MAST4: variants seen among roughly 807,000 people sequenced by gnomAD.
The protein encoded by MAST4 is microtubule associated serine/threonine kinase family member 4, also known as microtubule-associated serine/threonine-protein kinase 4.
In MAST4, 89 loss-of-function variants were observed where a neutral mutation model predicts 162.7. The observed-to-expected ratio is 0.55, with a 90% CI of 0.46 to 0.65. The LOEUF is 0.65. MAST4 is among the 30% of genes least tolerant of loss of function. The pLI, the probability that MAST4 is intolerant of heterozygous loss-of-function variation, is 0.00. For synonymous variants in MAST4, 1,479 were observed against 1,361.1 expected (o/e 1.09, Z -1.91); for missense variants, 3,153 against 3,374.0 (o/e 0.93, Z 1.62).
At chr5:67,045,372 A>G (rs911625623) in intron 4 of MAST4, among the ~76,000 whole-genome samples, 2 of 152,228 alleles carry the variant, frequency 1.3e-5, no homozygotes, top group African/African-American at 4.8e-5. Context: ...ACACGTGCTA[A>G]TACTATGACA....
chr5:66,956,357 A>AGT (rs201751531), intron 4 of MAST4, among the ~76,000 whole-genome samples: 1,931 of 152,212 alleles, frequency 0.013, 40 homozygotes, highest in African/African-American at 0.044. Context: ...TGTTGTCTTG[A>AGT]GAAGTTCACA....
chr5:67,168,705 A>G lies in MAST4; in HGVS notation c.*1654A>G, dbSNP rs1774310606. The G allele has an allele frequency of 6.6e-6, 1 of 152,012 alleles. No homozygotes were observed. The allele number at this position is 152,012 out of a possible 1,614,324, so 9.4% of individuals were successfully genotyped here. A position where few individuals can be genotyped will look rare whatever the true frequency, so the allele number is the denominator to read the frequency against. On this transcript the variant is annotated 3_prime_UTR_variant, in exon 29 of 29. Transcript: ENST00000403625. ...AATAAATAACTGATCTAGCACCCAA[A>G]CTCTCTTGGGGGATGTCTTAGTATC...
intron 1 of MAST4, among the ~76,000 whole-genome samples, chr5:66,695,803 G>A (rs1292082221): frequency 5.9e-5 from 9 of 152,062 alleles, no homozygotes; most frequent in African/African-American, 1.7e-4. Context: ...GCAATTCTTC[G>A]AAGACCTAGA....
intron 1 of MAST4, among the ~76,000 whole-genome samples, chr5:66,612,359 A>G (rs4128347): frequency 0.33 from 50,558 of 151,980 alleles, 9,361 homozygotes; most frequent in African/African-American, 0.49. Flanking sequence ...GAGTGCTGGT[A>G]AAGACTCCAT....
At chr5:66,936,167 G>A (rs1427573206) in intron 4 of MAST4, among the ~76,000 whole-genome samples, 1 of 152,226 alleles carries the variant, frequency 6.6e-6, no homozygotes, top group Non-Finnish European at 1.5e-5. Flanking sequence ...ACGAGAAAGT[G>A]TGAATTTGCG....
At chr5:67,033,219 CTT>C (rs1755569637) in intron 4 of MAST4, among the ~76,000 whole-genome samples, 1 of 150,844 alleles carries the variant, frequency 6.6e-6, no homozygotes, top group Non-Finnish European at 1.5e-5. Context: ...CTTGATAACA[CTT>C]TTTAAAAAGT....
At chr5:66,712,397 G>T (rs1405124492) in intron 1 of MAST4, among the ~76,000 whole-genome samples, 3 of 152,140 alleles carry the variant, frequency 2.0e-5, no homozygotes, top group Non-Finnish European at 4.4e-5. Context: ...CCCATTGTTA[G>T]CCCCCATTTT....
chr5:66,968,203 C>A (rs912879444), intron 4 of MAST4, among the ~76,000 whole-genome samples: 1 of 152,198 alleles, frequency 6.6e-6, no homozygotes. Context: ...TGCTTCATCC[C>A]CCAACATCTT....
intron 4 of MAST4, among the ~76,000 whole-genome samples, chr5:66,905,369 C>CCAG (rs1340562915): frequency 2.0e-5 from 3 of 151,352 alleles, no homozygotes; most frequent in African/African-American, 7.3e-5. Flanking sequence ...GAAGCAGCTC[C>CCAG]CAGTATGTAT....
chr5:66,794,123 A>T (rs1251583378), intron 3 of MAST4, among the ~76,000 whole-genome samples: 1 of 152,194 alleles, frequency 6.6e-6, no homozygotes, highest in Non-Finnish European at 1.5e-5. Context: ...TTTTGCTTAC[A>T]TTATGTAGCC....
At chr5:67,014,322 A>G (rs1353393753) in intron 4 of MAST4, among the ~76,000 whole-genome samples, 1 of 152,242 alleles carries the variant, frequency 6.6e-6, no homozygotes, top group Non-Finnish European at 1.5e-5. Context: ...GCATTTCCAT[A>G]GTAGGTCCCT....
intron 1 of MAST4, among the ~76,000 whole-genome samples, chr5:66,652,575 C>G (rs193262390): frequency 8.5e-5 from 13 of 152,272 alleles, no homozygotes; most frequent in Admixed American, 6.5e-4. Flanking sequence ...AACAATTTAT[C>G]TATCTACCTA....
At chr5:66,607,495 G>A (rs564323385) in intron 1 of MAST4, among the ~76,000 whole-genome samples, 1 of 152,188 alleles carries the variant, frequency 6.6e-6, no homozygotes, top group Non-Finnish European at 1.5e-5. Context: ...AGCAGTTAAG[G>A]CATTTTTGGC....
At chr5:67,036,985 G>C (rs1756097154) in intron 4 of MAST4, among the ~76,000 whole-genome samples, 1 of 152,046 alleles carries the variant, frequency 6.6e-6, no homozygotes, top group African/African-American at 2.4e-5. Context: ...CCCAGAAAAA[G>C]GCCAAAAAGA....
intron 4 of MAST4, among the ~76,000 whole-genome samples, chr5:67,028,850 C>T (rs924780103): frequency 2.6e-5 from 4 of 152,036 alleles, no homozygotes; most frequent in South Asian, 2.1e-4. Context: ...CATCCACCGC[C>T]GGGCATGGTG....
intron 3 of MAST4, among the ~76,000 whole-genome samples, chr5:66,878,310 A>T (rs1761442762): frequency 6.6e-6 from 1 of 152,248 alleles, no homozygotes; most frequent in Non-Finnish European, 1.5e-5. Context: ...CGTGTATCAC[A>T]CTAAAAGGAT....
intron 3 of MAST4, among the ~76,000 whole-genome samples, chr5:66,861,238 T>G (rs1760093162): frequency 6.6e-6 from 1 of 152,140 alleles, no homozygotes; most frequent in Non-Finnish European, 1.5e-5. Context: ...ATGTAAAAAA[T>G]GCTTAAAATC....
chr5:67,123,721 T>G (rs1250050864), intron 14 of MAST4, among the ~76,000 whole-genome samples: 1 of 152,170 alleles, frequency 6.6e-6, no homozygotes, highest in African/African-American at 2.4e-5. Flanking sequence ...GTTTTCAAAG[T>G]AAAAGAATAA....
intron 4 of MAST4, among the ~76,000 whole-genome samples, chr5:66,957,153 T>G (rs1368478841): frequency 6.6e-6 from 1 of 152,180 alleles, no homozygotes; most frequent in African/African-American, 2.4e-5. Context: ...CTAATGTGTT[T>G]CCTGAGATGA....
Sources: gnomAD v4.1 joint callset for allele counts (sites outside exome capture counted in the v4.1 genomes callset) on GRCh38, gnomAD v4.1.1 for gene constraint, MANE v1.5 for transcripts, NCBI Gene and HGNC (gene_info 2026-07-23, HGNC 2026-07-21) for gene names.